The following ACAP2 variants were observed in gnomAD, a reference collection of about 807,000 sequenced individuals.
ACAP2 encodes the protein ArfGAP with coiled-coil, ankyrin repeat and PH domains 2.
A neutral mutation model predicts 115.8 loss-of-function variants in ACAP2; 39 were observed. The ratio of observed to expected loss-of-function variants is 0.34; its 90% CI spans 0.26 to 0.44. The LOEUF (loss-of-function observed/expected upper bound fraction) is 0.44, where lower values mean the gene tolerates loss of function less well. Among genes scored for constraint, ACAP2 ranks in the 20% least tolerant of loss-of-function variants. The pLI is 1.00. For missense variants in ACAP2, 662 were observed against 927.6 expected (o/e 0.71, Z 3.72); for synonymous variants, 289 against 315.8 (o/e 0.92, Z 0.90).
At chr3:195,439,722 G>C (rs1188616690) in intron 1 of ACAP2, among the ~76,000 whole-genome samples, 1 of 151,864 alleles carries the variant, frequency 6.6e-6, no homozygotes. Context: ...TGCCTCCCAG[G>C]TTCAAGCAGT....
chr3:195,282,311 A>T (rs911677564), intron 22 of ACAP2: 1 of 152,228 alleles, frequency 6.6e-6, no homozygotes, highest in Non-Finnish European at 1.5e-5. Flanking sequence ...TGCTATAATA[A>T]TCATTGGTTT....
At chr3:195,284,191 CAG>C (rs958328523) in intron 22 of ACAP2, among the ~76,000 whole-genome samples, 13 of 152,200 alleles carry the variant, frequency 8.5e-5, no homozygotes, top group Non-Finnish European at 1.8e-4. Flanking sequence ...TTAAAAATGT[CAG>C]GGGGAAAATA....
chr3:195,351,017 T>A (rs1358152535), intron 4 of ACAP2, among the ~76,000 whole-genome samples: 2 of 151,756 alleles, frequency 1.3e-5, no homozygotes, highest in Non-Finnish European at 2.9e-5. Context: ...AAAAGTTTGA[T>A]CTTTAAAAAA....
intron 4 of ACAP2, among the ~76,000 whole-genome samples, chr3:195,354,288 T>A (rs979355945): frequency 5.9e-5 from 9 of 152,382 alleles, no homozygotes; most frequent in African/African-American, 2.2e-4. Flanking sequence ...CTGTTGTGAA[T>A]AGTGCTGCAA....
intron 4 of ACAP2, among the ~76,000 whole-genome samples, chr3:195,359,344 G>A (rs112177709): frequency 2.0e-3 from 300 of 152,302 alleles, no homozygotes; most frequent in African/African-American, 6.8e-3. Flanking sequence ...AGTATTAATA[G>A]AAAGGTGAAA....
chr3:195,400,132 C>T (rs973583312), intron 1 of ACAP2, among the ~76,000 whole-genome samples: 6 of 151,148 alleles, frequency 4.0e-5, no homozygotes, highest in Middle Eastern at 3.2e-3. Context: ...GAGCCAAGAT[C>T]GCACCATTGC....
chr3:195,370,241 C>T (rs576887142), intron 4 of ACAP2, among the ~76,000 whole-genome samples: 4 of 152,258 alleles, frequency 2.6e-5, no homozygotes, highest in African/African-American at 9.6e-5. Context: ...TGTGCAGAAG[C>T]TCTTTAAGGT....
chr3:195,358,295 A>G (rs971315433), intron 4 of ACAP2, among the ~76,000 whole-genome samples: 2 of 152,190 alleles, frequency 1.3e-5, no homozygotes, highest in African/African-American at 4.8e-5. Flanking sequence ...TGAAGCCTAC[A>G]ATAAATATCT....
intron 4 of ACAP2, among the ~76,000 whole-genome samples, chr3:195,347,032 G>A (rs1421002869): frequency 2.6e-5 from 4 of 152,032 alleles, no homozygotes; most frequent in Admixed American, 2.0e-4. Flanking sequence ...TGTGCATCTT[G>A]ATTTTGGTGT....
chr3:195,406,033 A>G (rs941961251), intron 1 of ACAP2, among the ~76,000 whole-genome samples: 1 of 152,144 alleles, frequency 6.6e-6, no homozygotes, highest in Non-Finnish European at 1.5e-5. Context: ...ACAATTTAAC[A>G]TGAGATTTGG....
At chr3:195,283,830 T>C (rs1272709688) in intron 22 of ACAP2, among the ~76,000 whole-genome samples, 1 of 152,208 alleles carries the variant, frequency 6.6e-6, no homozygotes, top group Non-Finnish European at 1.5e-5. Context: ...TCTGGTCTAT[T>C]TTTTAACCTC....
At chr3:195,301,862 GATTAA>G in intron 14 of ACAP2, 99 bp downstream of exon 14, 1 of 1,346,652 alleles carries the variant, frequency 7.4e-7, no homozygotes, top group Non-Finnish European at 1.0e-6. Context: ...ACAAACTGGT[GATTAA>G]ATTAGGGAAG....
chr3:195,355,621 T>C (rs561344005), intron 4 of ACAP2, among the ~76,000 whole-genome samples: 22 of 152,326 alleles, frequency 1.4e-4, no homozygotes, highest in African/African-American at 5.1e-4. Flanking sequence ...TATGACTCTT[T>C]AAAACCAACA....
At chr3:195,300,984 C>A (rs1728009009) in intron 15 of ACAP2, among the ~76,000 whole-genome samples, 1 of 152,224 alleles carries the variant, frequency 6.6e-6, no homozygotes, top group Non-Finnish European at 1.5e-5. Flanking sequence ...TGCCACTACA[C>A]AGCCTGCACA....
At chr3:195,290,652 A>C (rs1727177345) in intron 20 of ACAP2, among the ~76,000 whole-genome samples, 1 of 151,850 alleles carries the variant, frequency 6.6e-6, no homozygotes, top group Admixed American at 6.6e-5. Flanking sequence ...CTCTACTAAA[A>C]ATACAAAAAA....
At chr3:195,307,552 G>A (rs1728501951) in intron 11 of ACAP2, among the ~76,000 whole-genome samples, 3 of 152,118 alleles carry the variant, frequency 2.0e-5, no homozygotes, top group Non-Finnish European at 4.4e-5. Context: ...TACATATAAA[G>A]AGACTGGTCC....
chr3:195,382,075 T>C (rs1342306020), intron 2 of ACAP2, 53 bp from the exon 3 acceptor site: 2 of 1,553,328 alleles, frequency 1.3e-6, no homozygotes, highest in Admixed American at 2.0e-5. Context: ...ACAAATTACT[T>C]AGTTGAACAA....
In ACAP2 at chr3:195,295,954, CA is replaced by C. The variant is rs1294325849; in HGVS notation, c.1488-63del. On this transcript the variant is annotated intron_variant, in intron 16 of 22. Coordinates refer to ENST00000326793, the MANE Select transcript of ACAP2 (RefSeq NM_012287.6). ...TCTCTCAGCATGGCTAATACCACAA[CA>C]AGCCATTATATACTGAACATATTCA... is the stretch of plus-strand genomic sequence containing the variant. 3 of 1,383,676 alleles carry C rather than the reference CA, an allele frequency of 2.2e-6. No individual in the cohort carries two copies. The East Asian group carries it at 7.0e-5, about 32-fold the overall frequency. The allele number at this position is 1,383,676 out of a possible 1,614,324, so 85.7% of individuals were successfully genotyped here.
At chr3:195,353,332 A>G (rs971475144) in intron 4 of ACAP2, among the ~76,000 whole-genome samples, 1 of 152,200 alleles carries the variant, frequency 6.6e-6, no homozygotes, top group African/African-American at 2.4e-5. Flanking sequence ...TCATGCCACT[A>G]AGTTTTCAAA....
Sources: allele counts gnomAD v4.1 joint callset (sites outside exome capture counted in the v4.1 genomes callset), GRCh38; gene constraint gnomAD v4.1.1; transcripts MANE v1.5; gene names NCBI Gene and HGNC (gene_info 2026-07-23, HGNC 2026-07-21).